Variants in IP6K2 observed in about 807,000 individuals in gnomAD.
The protein encoded by IP6K2 is ATP:1D-myo-inositol-hexakisphosphate phosphotransferase.
A neutral mutation model predicts 43.3 loss-of-function variants in IP6K2; 9 were observed. That is an observed-to-expected ratio of 0.21 (90% CI 0.13 to 0.36). The LOEUF (loss-of-function observed/expected upper bound fraction) is 0.36. Ranked by LOEUF, IP6K2 falls within the 10% of genes least tolerant of loss-of-function variation. The pLI is 1.00. For synonymous variants in IP6K2, 209 were observed against 202.4 expected (o/e 1.03, Z -0.28); for missense variants, 332 against 538.4 (o/e 0.62, Z 3.79).
intron 1 of IP6K2, among the ~76,000 whole-genome samples, chr3:48,700,377 A>C (rs574207158): frequency 8.6e-5 from 13 of 151,748 alleles, no homozygotes; most frequent in Non-Finnish European, 1.8e-4. Flanking sequence ...CTAAGGTCTA[A>C]AGCTGTTTCC....
chr3:48,703,031 A>G (rs2079241170), intron 1 of IP6K2, among the ~76,000 whole-genome samples: 1 of 152,364 alleles, frequency 6.6e-6, no homozygotes, highest in South Asian at 2.1e-4. Context: ...TACAAAATGC[A>G]TTCCAAGCAC....
intron 1 of IP6K2, among the ~76,000 whole-genome samples, chr3:48,712,742 C>G (rs567786366): frequency 6.6e-6 from 1 of 151,226 alleles, no homozygotes; most frequent in Non-Finnish European, 1.5e-5. Context: ...GCAGGCCGGG[C>G]GCAGTGGCTC....
Position 48,695,507 on chromosome 3 carries a change from A to G in IP6K2, c.-130-86T>C. 1.5e-6 allele frequency: 2 copies of G among 1,302,686 alleles called. No homozygotes were observed. The highest frequency in any genetic ancestry group is 2.0e-6 in the Non-Finnish European group (2 of 1,024,016). 80.7% of individuals were successfully genotyped at this position (1,302,686 alleles called of 1,614,324 possible). A position where few individuals can be genotyped will look rare whatever the true frequency, so the allele number is the denominator to read the frequency against. ...TGCTCACCCTGCTCCTTCAGCAGAA[A>G]GACAAAGACAAACAGTCTGAGTTCT... On this transcript the variant is annotated intron_variant, in intron 1 of 5. Transcript: ENST00000328631. The surrounding 1 kb of genome is among the most constrained non-coding windows in gnomAD (Gnocchi z 4.6).
At chr3:48,690,288 T>A (rs144065939) in intron 4 of IP6K2, among the ~76,000 whole-genome samples, 2 of 152,356 alleles carry the variant, frequency 1.3e-5, no homozygotes, top group African/African-American at 4.8e-5. Flanking sequence ...GCCCAGTGCT[T>A]GCTGTTTATG....
chr3:48,691,457 A>G lies in IP6K2; in HGVS notation c.454T>C (p.Trp152Arg). 1 of 1,611,058 alleles carries G rather than the reference A, an allele frequency of 6.2e-7. No individual in the cohort carries two copies. Among genetic ancestry groups the G allele is most frequent in the Non-Finnish European group, 8.5e-7 (1 of 1,178,342 alleles). Residue 152 changes from tryptophan (W) to arginine (R), a missense_variant, in exon 4 of 6, where the codon TGG (tryptophan) becomes CGG (arginine). Physicochemically the swap from Trp to Arg is moderately radical, Grantham distance 101. Coordinates refer to ENST00000328631, the MANE Select transcript of IP6K2 (RefSeq NM_016291.4). ...KSHKLEEEFE[W>R]LKKSEVLYYT... Reference sequence around the variant, plus strand: ...TACAAGACTTCAGATTTCTTTAGCCACTCAAATTCTTCTTCTAACTTATGG... The same window carrying G: ...TACAAGACTTCAGATTTCTTTAGCCGCTCAAATTCTTCTTCTAACTTATGG...
At chr3:48,702,375 TG>T (rs1261599424) in intron 1 of IP6K2, among the ~76,000 whole-genome samples, 1 of 152,134 alleles carries the variant, frequency 6.6e-6, no homozygotes, top group Non-Finnish European at 1.5e-5. Context: ...TTGCTTGATA[TG>T]TTCTTCCCCC....
At position 48,688,356 on chromosome 3, in the gene IP6K2, C is replaced by T; in HGVS notation, c.1198G>A (p.Glu400Lys). Residue 400 changes from glutamate to lysine, a missense_variant, in exon 6 of 6, where the codon GAG becomes AAG. By Grantham distance (56) the Glu-to-Lys change is moderately conservative (BLOSUM62 1). Transcript: ENST00000328631. This position sits in a 1 kb window ranked among gnomAD's most constrained non-coding sequence, Gnocchi z 5.1. ...RLYGEDTVVH[E>K]GQDAGYIFGL... ...AAGATATAGCCAGCATCCTGGCCCT[C>T]ATGCACCACGGTGTCCTCGCCATAC... 1 of 1,614,270 alleles carries T rather than the reference C, an allele frequency of 6.2e-7. No homozygotes were observed. The highest frequency in any genetic ancestry group is 8.5e-7 in the Non-Finnish European group (1 of 1,180,042).
In IP6K2 at chr3:48,691,327, G is replaced by C. The variant is rs757247464; in HGVS notation, c.584C>G (p.Ala195Gly). ...QQQLQRMKENAKHRNQYKFIL... is the reference protein window; with the variant it reads ...QQQLQRMKENGKHRNQYKFIL... The stretch of plus-strand genomic sequence containing the variant: ...GATACTGTACTGGTTCCGATGCTTT[G>C]CATTCTCCTTCATTCTCTGTAACTG... The change falls in exon 4 of 6, where the codon GCA becomes GGA. Residue 195 changes from alanine (A) to glycine (G), a missense_variant. Physicochemically the swap from Ala to Gly is moderately conservative, Grantham distance 60. Coordinates refer to ENST00000328631, the MANE Select transcript of IP6K2 (RefSeq NM_016291.4). The C allele has an allele frequency of 1.9e-5, 30 of 1,613,574 alleles. No individual in the cohort carries two copies. Among genetic ancestry groups the C allele is most frequent in the African/African-American group, 2.7e-5 (2 of 74,892 alleles).
At chr3:48,715,602 T>G (rs2081100214) in intron 1 of IP6K2, 1 of 778,766 alleles carries the variant, frequency 1.3e-6, no homozygotes, top group Non-Finnish European at 2.0e-6. Context: ...CCTTGCTCCC[T>G]CCCTACCCAG....
chr3:48,710,793 TAG>T (rs2080409427), intron 1 of IP6K2, among the ~76,000 whole-genome samples: 2 of 152,214 alleles, frequency 1.3e-5, no homozygotes, highest in South Asian at 4.2e-4. Context: ...GTATTTTTAG[TAG>T]AGACAGGGTT....
chr3:48,694,761 T>C lies in IP6K2; in HGVS notation c.202+329A>G. ...GCGGCAAGTATTCTGGGTAAAATCC[T>C]CCCAAAGTCTTCCCCCACCGTCCCC... On this transcript the variant is annotated intron_variant, in intron 2 of 5. Transcript: ENST00000328631. 4 of 1,525,946 alleles carry C rather than the reference T, an allele frequency of 2.6e-6. No individual in the cohort carries two copies. In the East Asian group the frequency reaches 9.8e-5, roughly 37 times the overall value. The allele number at this position is 1,525,946 out of a possible 1,614,324, so 94.5% of individuals were successfully genotyped here.
chr3:48,695,208 C>T lies in IP6K2; in HGVS notation c.84G>A (p.Gly28=), dbSNP rs1220739917. Residue 28 remains glycine, a synonymous_variant, in exon 2 of 6, where the codon GGG becomes GGA. Coordinates refer to ENST00000328631, the MANE Select transcript of IP6K2 (RefSeq NM_016291.4). The surrounding 1 kb of genome is among the most constrained non-coding windows in gnomAD (Gnocchi z 4.6). ...LLEPFVHQVG[G]HSCVLRFNET... is the part of the protein sequence containing the mutation. ...CATTGAAGCGGAGCACGCATGAGTG[C>T]CCCCCGACCTGGTGGACAAAGGGCT... 15 of 1,578,464 alleles carry T rather than the reference C, an allele frequency of 9.5e-6. No individual in the cohort carries two copies. The East Asian group carries it at 3.2e-4, about 33-fold the overall frequency.
At chr3:48,692,926 C>T in intron 3 of IP6K2, 28 bp downstream of exon 3, 1 of 1,536,708 alleles carries the variant, frequency 6.5e-7, no homozygotes, top group Non-Finnish European at 9.0e-7. Flanking sequence ...TCCCACATAG[C>T]CCAGAGTTGC....
chr3:48,689,875 TA>T (rs1244654538), intron 4 of IP6K2, among the ~76,000 whole-genome samples, 162 bp from the exon 5 acceptor site: 3 of 152,210 alleles, frequency 2.0e-5, no homozygotes, highest in African/African-American at 7.2e-5. Flanking sequence ...GAGCTGACTA[TA>T]AAGCTAAGAG....
chr3:48,716,606 G>C (rs1395889355), intron 1 of IP6K2: 1 of 152,166 alleles, frequency 6.6e-6, no homozygotes, highest in African/African-American at 2.4e-5. Flanking sequence ...ATAAGGTTAA[G>C]TGTGTAGATT....
Position 48,694,343 on chromosome 3 carries a change from C to T in IP6K2, c.202+747G>A, listed in dbSNP as rs992660482. 2.2e-5 allele frequency: 34 copies of T among 1,546,906 alleles called. 1 individual carries two copies. In the Admixed American group the frequency reaches 6.5e-4, roughly 30 times the overall value. On this transcript the variant is annotated intron_variant, in intron 2 of 5. Coordinates refer to ENST00000328631, the MANE Select transcript of IP6K2 (RefSeq NM_016291.4). The stretch of plus-strand genomic sequence containing the variant: ...AGAGTACAGAGAAAGGCACCCAGTA[C>T]ATTCTGTCCTTAAAGACAATGTTTC...
rs534436376 is a variant in IP6K2 at position 48,715,970 on chromosome 3, T to C, written c.-131+1187A>G. Among the ~76,000 whole-genome samples, 111 of 152,106 alleles carry C rather than the reference T, an allele frequency of 7.3e-4. 3 individuals carry two copies. The South Asian group carries it at 0.022, about 30-fold the overall frequency. On this transcript the variant is annotated intron_variant, in intron 1 of 5. Transcript: ENST00000328631. ...TACTAGGCCATCAATTTGCCTATTATGTCAAATGTGATAAAGTATTCATTT... is the reference window on the plus strand; with the variant it reads ...TACTAGGCCATCAATTTGCCTATTACGTCAAATGTGATAAAGTATTCATTT...
At chr3:48,711,697 A>G (rs1448813350) in intron 1 of IP6K2, among the ~76,000 whole-genome samples, 1 of 152,250 alleles carries the variant, frequency 6.6e-6, no homozygotes, top group East Asian at 1.9e-4. Context: ...TAATTTAGGA[A>G]GATCATAATC....
intron 1 of IP6K2, among the ~76,000 whole-genome samples, chr3:48,713,391 A>G (rs1227190019): frequency 6.6e-6 from 1 of 152,174 alleles, no homozygotes; most frequent in East Asian, 1.9e-4. Flanking sequence ...GGCCTGGGGA[A>G]CTTGGGCCAC....
Sources: gnomAD v4.1 joint callset for allele counts (sites outside exome capture counted in the v4.1 genomes callset) on GRCh38, gnomAD v4.1.1 for gene constraint, Gnocchi (gnomAD v3.1) non-coding constraint, MANE v1.5 for transcripts, NCBI Gene and HGNC (gene_info 2026-07-23, HGNC 2026-07-21) for gene names.